The following ME3 variants were observed in gnomAD, a reference collection of about 807,000 sequenced individuals.
ME3 encodes the protein NADP-dependent malic enzyme, mitochondrial.
Under a neutral mutation model 68.9 loss-of-function variants are expected in ME3, and 48 were observed. The observed-to-expected ratio is 0.70, with a 90% confidence interval of 0.55 to 0.89. The LOEUF (loss-of-function observed/expected upper bound fraction) is 0.89. Ranked by LOEUF, ME3 falls within the 40% of genes least tolerant of loss-of-function variation. The pLI is 0.00. For missense variants in ME3, 675 were observed against 797.4 expected (o/e 0.85, Z 1.85); for synonymous variants, 320 against 318.8 (o/e 1.00, Z -0.04).
chr11:86,492,252 A>G (rs1053723309), intron 6 of ME3, among the ~76,000 whole-genome samples: 1 of 152,334 alleles, frequency 6.6e-6, no homozygotes, highest in African/African-American at 2.4e-5. Flanking sequence ...AGCTAATTGT[A>G]CAGTGATGGC....
intron 2 of ME3, among the ~76,000 whole-genome samples, chr11:86,599,619 T>C (rs1960228853): frequency 6.6e-6 from 1 of 152,110 alleles, no homozygotes; most frequent in Non-Finnish European, 1.5e-5. Flanking sequence ...AGATACTCCT[T>C]GAGAAGAACA....
chr11:86,656,358 A>G (rs1307983682), intron 2 of ME3, among the ~76,000 whole-genome samples: 1 of 151,908 alleles, frequency 6.6e-6, no homozygotes, highest in Non-Finnish European at 1.5e-5. Context: ...CCAAATGTCC[A>G]ACAATGATAG....
chr11:86,667,434 T>C (rs1946651451), intron 2 of ME3, among the ~76,000 whole-genome samples: 3 of 152,210 alleles, frequency 2.0e-5, no homozygotes, highest in African/African-American at 4.8e-5. Context: ...ATGGGCCATA[T>C]GTAGGCATTT....
At chr11:86,591,424 T>G (rs1959051634) in intron 2 of ME3, among the ~76,000 whole-genome samples, 1 of 152,118 alleles carries the variant, frequency 6.6e-6, no homozygotes, top group African/African-American at 2.4e-5. Flanking sequence ...CCAAATCCAA[T>G]ATGATGGGTG....
At chr11:86,572,625 C>T (rs1957864761) in intron 2 of ME3, among the ~76,000 whole-genome samples, 1 of 152,170 alleles carries the variant, frequency 6.6e-6, no homozygotes, top group African/African-American at 2.4e-5. Flanking sequence ...TTTTTTATAG[C>T]TGCATCGTAT....
At chr11:86,638,882 C>T (rs755121684) in intron 2 of ME3, among the ~76,000 whole-genome samples, 2 of 152,126 alleles carry the variant, frequency 1.3e-5, no homozygotes, top group South Asian at 2.1e-4. Context: ...ACTTTACTCC[C>T]CCGACTTGCC....
At chr11:86,502,440 G>A (rs1333826451) in intron 5 of ME3, among the ~76,000 whole-genome samples, 1 of 152,188 alleles carries the variant, frequency 6.6e-6, no homozygotes, top group Non-Finnish European at 1.5e-5. Flanking sequence ...TTAACTTGGT[G>A]TCTGTAATGT....
At chr11:86,607,915 ATTCT>A (rs1942270428) in intron 2 of ME3, among the ~76,000 whole-genome samples, 1 of 152,030 alleles carries the variant, frequency 6.6e-6, no homozygotes, top group Non-Finnish European at 1.5e-5. Flanking sequence ...CCCTGGAATC[ATTCT>A]TTCTGGCATG....
chr11:86,444,657 A>G (rs1199337022), intron 13 of ME3, among the ~76,000 whole-genome samples: 1 of 152,200 alleles, frequency 6.6e-6, no homozygotes, highest in Non-Finnish European at 1.5e-5. Context: ...CTGGGCTCAC[A>G]AGACCAGCGA....
intron 2 of ME3, among the ~76,000 whole-genome samples, chr11:86,590,675 A>G (rs1540082): frequency 0.29 from 44,086 of 152,008 alleles, 6,908 homozygotes; most frequent in East Asian, 0.39. Context: ...GGGGTAGGTC[A>G]GACCAGAATG....
chr11:86,466,088 C>T (rs897144147), intron 7 of ME3, among the ~76,000 whole-genome samples: 17 of 152,140 alleles, frequency 1.1e-4, no homozygotes, highest in African/African-American at 3.1e-4. Flanking sequence ...TGAGTTTGTT[C>T]GAGTTTTGTA....
chr11:86,447,040 G>C (rs1161603623), intron 12 of ME3, 25 bp downstream of exon 12: 1 of 1,611,294 alleles, frequency 6.2e-7, no homozygotes, highest in Non-Finnish European at 8.5e-7. Context: ...CTCTCAGCCG[G>C]GGGAAGGAAG....
intron 4 of ME3, among the ~76,000 whole-genome samples, chr11:86,523,764 C>T (rs1954511111): frequency 1.3e-5 from 2 of 152,000 alleles, no homozygotes; most frequent in Admixed American, 6.6e-5. Flanking sequence ...ACCTCCATCA[C>T]ATCATTAGCT....
chr11:86,600,911 A>G (rs11530862), intron 2 of ME3, among the ~76,000 whole-genome samples: 22,633 of 146,724 alleles, frequency 0.15, 1,608 homozygotes, highest in East Asian at 0.35. Flanking sequence ...CAATGAGAAC[A>G]AAGACACAAC....
At chr11:86,653,291 CATT>C (rs568167944) in intron 2 of ME3, among the ~76,000 whole-genome samples, 104 of 152,272 alleles carry the variant, frequency 6.8e-4, no homozygotes, top group African/African-American at 2.4e-3. Flanking sequence ...ACAGATTATA[CATT>C]ATTTTCAGCA....
At chr11:86,630,569 A>G (rs969784065) in intron 2 of ME3, among the ~76,000 whole-genome samples, 3 of 152,268 alleles carry the variant, frequency 2.0e-5, no homozygotes, top group African/African-American at 7.2e-5. Flanking sequence ...AATTTTAGGT[A>G]AAAACCAAAC....
chr11:86,514,267 A>T (rs1953738416), intron 4 of ME3, among the ~76,000 whole-genome samples: 2 of 152,144 alleles, frequency 1.3e-5, no homozygotes, highest in African/African-American at 4.8e-5. Context: ...TTCTTTATAA[A>T]TTACCCAGTC....
At chr11:86,657,284 A>T (rs969839294) in intron 2 of ME3, among the ~76,000 whole-genome samples, 3 of 152,196 alleles carry the variant, frequency 2.0e-5, no homozygotes, top group African/African-American at 7.2e-5. Flanking sequence ...AATACTATGC[A>T]GCCATAAAAA....
intron 4 of ME3, among the ~76,000 whole-genome samples, chr11:86,513,009 G>A (rs1363428552): frequency 6.6e-6 from 1 of 152,180 alleles, no homozygotes; most frequent in Non-Finnish European, 1.5e-5. Flanking sequence ...TTACCAGGAA[G>A]AGGAAGACTC....
Sources: gnomAD v4.1 joint callset for allele counts (sites outside exome capture counted in the v4.1 genomes callset) on GRCh38, gnomAD v4.1.1 for gene constraint, MANE v1.5 for transcripts, NCBI Gene and HGNC (gene_info 2026-07-23, HGNC 2026-07-21) for gene names.